The following DOCK9 variants were observed in gnomAD, a reference collection of about 807,000 sequenced individuals.
The protein encoded by DOCK9 is dedicator of cytokinesis protein 9.
Under a neutral mutation model 263.3 loss-of-function variants are expected in DOCK9, and 89 were observed. That is an observed-to-expected ratio of 0.34 (90% CI 0.28 to 0.40). The LOEUF (loss-of-function observed/expected upper bound fraction) is 0.40. Among genes scored for constraint, DOCK9 ranks in the 10% least tolerant of loss-of-function variants. DOCK9 has a pLI of 1.00. For synonymous variants in DOCK9, 976 were observed against 973.1 expected (o/e 1.00, Z -0.06); for missense variants, 2,140 against 2,603.4 (o/e 0.82, Z 3.87).
In DOCK9 at chr13:98,898,258, C is replaced by A. The variant is rs2047732223; in HGVS notation, c.1507G>T (p.Ala503Ser). ...YMKSSDSSKVAQKVLKNAKQA... is the reference protein window; with the variant it reads ...YMKSSDSSKVSQKVLKNAKQA... ...TTGGCATTCTTCAGCACCTTCTGGG[C>A]CACCTTGAAGACATGAGAATAAAGC... The change falls in exon 14 of 53, where the codon GCC (alanine) becomes TCC (serine). Residue 503 changes from alanine to serine, a missense_variant. By Grantham distance (99) the Ala-to-Ser change is moderately conservative. This residue lies in a region of DOCK9 where 1,521 missense variants were observed against 1,741.7 expected (regional missense o/e 0.87). Transcript: ENST00000682017. 1 of 1,609,572 alleles carries A rather than the reference C, an allele frequency of 6.2e-7. No homozygotes were observed. The highest frequency in any genetic ancestry group is 1.1e-5 in the South Asian group (1 of 90,062).
intron 1 of DOCK9, among the ~76,000 whole-genome samples, chr13:98,972,661 G>T (rs193292394): frequency 6.6e-6 from 1 of 152,186 alleles, no homozygotes; most frequent in East Asian, 1.9e-4. Flanking sequence ...TTAGGGGTTC[G>T]GCCTGCGCCT....
intron 1 of DOCK9, among the ~76,000 whole-genome samples, chr13:99,010,028 A>G (rs1427275567): frequency 1.3e-5 from 2 of 152,060 alleles, no homozygotes; most frequent in African/African-American, 4.8e-5. Flanking sequence ...GAGAAATATT[A>G]ATTTACAATG....
At chr13:98,944,637 G>A (rs2056469044) in intron 2 of DOCK9, among the ~76,000 whole-genome samples, 1 of 152,086 alleles carries the variant, frequency 6.6e-6, no homozygotes, top group South Asian at 2.1e-4. Context: ...GGGCACATGG[G>A]GACACAGCTG....
At chr13:98,924,415 T>C (rs977777629) in intron 4 of DOCK9, among the ~76,000 whole-genome samples, 9 of 152,242 alleles carry the variant, frequency 5.9e-5, no homozygotes, top group Admixed American at 3.3e-4. Flanking sequence ...AATATTTTCA[T>C]TGGTGATGGT....
intron 1 of DOCK9, among the ~76,000 whole-genome samples, chr13:99,071,217 A>T (rs1211320879): frequency 1.4e-5 from 2 of 147,758 alleles, no homozygotes; most frequent in African/African-American, 2.5e-5. Flanking sequence ...AACACAGCTC[A>T]CTGCAGCCTC....
rs904375549 is a variant in DOCK9, at chr13:98,921,939, A to G, written c.582+112T>C. ...AGGGGAGCATCCTAGGAATCAGACA[A>G]TGTCCCTTTTGTGGGGAAGAACAGC... is the stretch of plus-strand genomic sequence containing the variant. On this transcript the variant is annotated intron_variant, in intron 6 of 52. Transcript: ENST00000682017. 3.2e-6 allele frequency: 3 copies of G among 939,442 alleles called. No homozygotes were observed. In the East Asian group the frequency reaches 8.1e-5, roughly 25 times the overall value. 58.2% of individuals were successfully genotyped at this position (939,442 alleles called of 1,614,324 possible). A position where few individuals can be genotyped will look rare whatever the true frequency, so the allele number is the denominator to read the frequency against.
intron 32 of DOCK9, among the ~76,000 whole-genome samples, chr13:98,860,757 G>A (rs780774131): frequency 5.9e-5 from 9 of 151,930 alleles, no homozygotes; most frequent in East Asian, 1.9e-4. Context: ...GAGAAATCAC[G>A]TTCCATAAAG....
At chr13:98,956,187 C>G (rs1195422674) in intron 1 of DOCK9, among the ~76,000 whole-genome samples, 1 of 152,118 alleles carries the variant, frequency 6.6e-6, no homozygotes, top group South Asian at 2.1e-4. Flanking sequence ...GGGATGGGGA[C>G]GTCCATCCCT....
intron 1 of DOCK9, among the ~76,000 whole-genome samples, chr13:99,041,337 A>G (rs556215746): frequency 4.6e-5 from 7 of 152,174 alleles, no homozygotes; most frequent in African/African-American, 1.7e-4. Flanking sequence ...TAGAAAAAAT[A>G]GCCATATGTG....
intron 23 of DOCK9, 26 bp from the exon 24 acceptor site, chr13:98,882,033 A>C: frequency 1.3e-6 from 2 of 1,537,212 alleles, no homozygotes; most frequent in Non-Finnish European, 1.8e-6. Context: ...GGCACAGTTC[A>C]TGTTATCCTT....
intron 1 of DOCK9, among the ~76,000 whole-genome samples, chr13:99,031,982 A>T (rs961874193): frequency 6.6e-6 from 1 of 152,238 alleles, no homozygotes; most frequent in Admixed American, 6.5e-5. Context: ...TCTTGATTTC[A>T]TAATAGCCAG....
At chr13:98,850,859 T>C (rs774867519) in intron 35 of DOCK9, among the ~76,000 whole-genome samples, 10 of 152,236 alleles carry the variant, frequency 6.6e-5, no homozygotes, top group Admixed American at 2.0e-4. Context: ...TTCTATCATC[T>C]AATAGCTAAC....
At chr13:98,936,189 A>G (rs1452533248) in intron 2 of DOCK9, among the ~76,000 whole-genome samples, 1 of 152,000 alleles carries the variant, frequency 6.6e-6, no homozygotes, top group East Asian at 1.9e-4. Flanking sequence ...GTGACCTTAT[A>G]AACCACCCCG....
intron 7 of DOCK9, among the ~76,000 whole-genome samples, chr13:98,918,783 C>A (rs2051330075): frequency 6.6e-6 from 1 of 152,106 alleles, no homozygotes; most frequent in Non-Finnish European, 1.5e-5. Flanking sequence ...TGTGCTCCCC[C>A]AAAACAAGAA....
chr13:99,088,163 CAGGATGT>C (rs2042390219), upstream of DOCK9: 1 of 152,292 alleles, frequency 6.6e-6, no homozygotes, highest in Non-Finnish European at 1.5e-5. Flanking sequence ...GTGGGGACTG[CAGGATGT>C]AGCATTGAGT....
upstream of DOCK9, among the ~76,000 whole-genome samples, chr13:98,978,877 C>T (rs1876110654): frequency 1.3e-5 from 2 of 152,070 alleles, no homozygotes. Flanking sequence ...GGTTTAGTAG[C>T]ACCCAAAATA....
intron 1 of DOCK9, among the ~76,000 whole-genome samples, chr13:98,960,968 A>G (rs1394893720): frequency 2.6e-5 from 4 of 152,118 alleles, no homozygotes; most frequent in African/African-American, 9.7e-5. Flanking sequence ...GCTTTCTATG[A>G]TTGTATACAC....
chr13:99,085,323 G>A (rs1342481889), intron 1 of DOCK9, among the ~76,000 whole-genome samples: 1 of 152,164 alleles, frequency 6.6e-6, no homozygotes, highest in East Asian at 1.9e-4. Context: ...AACAAATGCC[G>A]GCGGCAACGC....
At position 98,921,017 on chromosome 13, in the gene DOCK9, A is replaced by G. The variant is rs780997685; in HGVS notation, c.654T>C (p.Asp218=). The change falls in exon 7 of 53, where the codon GAT becomes GAC. Residue 218 remains aspartate, a synonymous_variant. Coordinates refer to ENST00000682017, the MANE Select transcript of DOCK9 (RefSeq NM_001366683.2). ...DGSYNLNFYK[D]EKISKEPKGS... ...CTTTTGGTTCTTTGGAGATCTTTTC[A>G]TCTTTATAAAAATTCAAATTATAGG... is the stretch of plus-strand genomic sequence containing the variant. 1 of 1,604,132 alleles carries G rather than the reference A, an allele frequency of 6.2e-7. No individual in the cohort carries two copies. Among genetic ancestry groups the G allele is most frequent in the Non-Finnish European group, 8.5e-7 (1 of 1,174,592 alleles).
Sources: gnomAD v4.1 joint callset for allele counts (sites outside exome capture counted in the v4.1 genomes callset) on GRCh38, gnomAD v4.1.1 for gene constraint, gnomAD v4.1.1 regional missense constraint, MANE v1.5 for transcripts, NCBI Gene and HGNC (gene_info 2026-07-23, HGNC 2026-07-21) for gene names.